Variants in CNTN3 observed in about 807,000 individuals in gnomAD.
CNTN3 encodes the protein contactin 3.
CNTN3 carries 60 observed loss-of-function variants against 119.1 expected under a neutral mutation model. The ratio of observed to expected loss-of-function variants is 0.50; its 90% CI spans 0.41 to 0.62. The LOEUF is 0.62. Among genes scored for constraint, CNTN3 ranks in the 20% least tolerant of loss-of-function variants. The pLI is 0.00. For synonymous variants in CNTN3, 450 were observed against 438.7 expected, an observed-to-expected ratio of 1.03 and a Z score of -0.32; for missense variants, 1,101 against 1,242.4, an observed-to-expected ratio of 0.89 and a Z score of 1.71.
intron 1 of CNTN3, among the ~76,000 whole-genome samples, chr3:74,586,424 C>A (rs540651490): frequency 2.6e-4 from 40 of 152,198 alleles, no homozygotes; most frequent in Non-Finnish European, 5.4e-4. Context: ...CCTTCTCTGT[C>A]TTTTAACCTG....
At chr3:74,565,448 C>A (rs1704212465) in intron 1 of CNTN3, among the ~76,000 whole-genome samples, 1 of 152,110 alleles carries the variant, frequency 6.6e-6, no homozygotes, top group African/African-American at 2.4e-5. Flanking sequence ...ACACTGGGCC[C>A]AAATGGGTAA....
At chr3:74,578,397 A>T (rs941682403) in intron 1 of CNTN3, among the ~76,000 whole-genome samples, 8 of 152,104 alleles carry the variant, frequency 5.3e-5, no homozygotes, top group Non-Finnish European at 2.9e-5. Context: ...ACTTTTCTTA[A>T]TAAGTTAAGG....
intron 4 of CNTN3, among the ~76,000 whole-genome samples, chr3:74,465,644 C>T (rs1428938818): frequency 6.6e-6 from 1 of 152,170 alleles, no homozygotes; most frequent in African/African-American, 2.4e-5. Context: ...AAGTCTGTAG[C>T]ACAATACATG....
At chr3:74,554,803 A>T (rs948825247) in intron 1 of CNTN3, among the ~76,000 whole-genome samples, 2 of 152,234 alleles carry the variant, frequency 1.3e-5, no homozygotes, top group African/African-American at 4.8e-5. Context: ...CAGCTTAAGA[A>T]GATTTTGGGC....
chr3:74,303,564 G>C (rs1380682200), intron 13 of CNTN3, among the ~76,000 whole-genome samples: 6 of 151,922 alleles, frequency 3.9e-5, no homozygotes, highest in Non-Finnish European at 1.5e-5. Flanking sequence ...GTGGTGGCGT[G>C]CCCCTGTAAT....
chr3:74,598,467 A>C (rs1166077437), intron 1 of CNTN3, among the ~76,000 whole-genome samples: 9 of 152,088 alleles, frequency 5.9e-5, no homozygotes, highest in Non-Finnish European at 1.3e-4. Flanking sequence ...GTAATAAAGT[A>C]AATTTTTAAA....
At chr3:74,581,527 T>C (rs1704509492) in intron 1 of CNTN3, among the ~76,000 whole-genome samples, 1 of 152,172 alleles carries the variant, frequency 6.6e-6, no homozygotes, top group African/African-American at 2.4e-5. Flanking sequence ...AGGTTCATCA[T>C]TGTTAAGATG....
intron 5 of CNTN3, among the ~76,000 whole-genome samples, chr3:74,409,991 G>T (rs1701411398): frequency 6.6e-6 from 1 of 152,156 alleles, no homozygotes; most frequent in Admixed American, 6.6e-5. Flanking sequence ...AAGAAGTCAT[G>T]AATTCTTTAA....
chr3:74,464,274 A>G (rs953270671), intron 4 of CNTN3, among the ~76,000 whole-genome samples: 8 of 152,156 alleles, frequency 5.3e-5, no homozygotes, highest in African/African-American at 1.9e-4. Context: ...TACATATGCA[A>G]AAAATCATAA....
intron 6 of CNTN3, among the ~76,000 whole-genome samples, chr3:74,370,827 A>G (rs1704316955): frequency 6.6e-6 from 1 of 152,276 alleles, no homozygotes; most frequent in African/African-American, 2.4e-5. Flanking sequence ...AAAAACCTCA[A>G]GCTGGCAAAA....
chr3:74,559,559 A>T (rs1704121179), intron 1 of CNTN3, among the ~76,000 whole-genome samples: 1 of 152,108 alleles, frequency 6.6e-6, no homozygotes, highest in Non-Finnish European at 1.5e-5. Flanking sequence ...TGAAGGGTAA[A>T]CATAAAAGAT....
At chr3:74,547,387 C>A (rs1236407005) in intron 1 of CNTN3, among the ~76,000 whole-genome samples, 2 of 152,128 alleles carry the variant, frequency 1.3e-5, no homozygotes, top group African/African-American at 4.8e-5. Flanking sequence ...CATACACACA[C>A]ATTGACACCT....
intron 5 of CNTN3, among the ~76,000 whole-genome samples, chr3:74,407,264 ATT>A (rs753215277): frequency 1.7e-4 from 18 of 105,560 alleles, no homozygotes; most frequent in South Asian, 9.6e-4. Flanking sequence ...CAAATATTCT[ATT>A]TTTTTTTTTT....
In CNTN3 at chr3:74,437,234, G is replaced by A. The variant is rs187431799; in HGVS notation, c.359-12294C>T. Among the ~76,000 whole-genome samples the A allele has an allele frequency of 8.5e-5, 13 of 152,174 alleles. No individual in the cohort carries two copies. In the East Asian group the frequency reaches 1.7e-3, roughly 20 times the overall value. ...AGCACTTTGGGAGACCAAGGTGGGC[G>A]GATCACGAGGTCAGGAGATTGAGAC... On this transcript the variant is annotated intron_variant, in intron 4 of 22. Coordinates refer to ENST00000263665, the MANE Select transcript of CNTN3 (RefSeq NM_020872.3).
chr3:74,547,140 T>C (rs2107155002), intron 1 of CNTN3, among the ~76,000 whole-genome samples: 1 of 152,338 alleles, frequency 6.6e-6, no homozygotes, highest in East Asian at 1.9e-4. Flanking sequence ...TATATTCATT[T>C]ACACGTACAC....
At chr3:74,492,761 A>ATGTG (rs906151104) in intron 3 of CNTN3, among the ~76,000 whole-genome samples, 3 of 151,488 alleles carry the variant, frequency 2.0e-5, no homozygotes, top group East Asian at 1.9e-4. Context: ...AAGAAAACGA[A>ATGTG]TGTGTGTGTG....
chr3:74,486,222 A>ACCCC (rs1212594649), intron 4 of CNTN3, among the ~76,000 whole-genome samples: 2 of 148,782 alleles, frequency 1.3e-5, no homozygotes, highest in Admixed American at 6.7e-5. Context: ...ACACACACAC[A>ACCCC]CCCCTACATG....
intron 1 of CNTN3, among the ~76,000 whole-genome samples, chr3:74,583,851 G>C (rs901569271): frequency 6.6e-6 from 1 of 152,140 alleles, no homozygotes; most frequent in Non-Finnish European, 1.5e-5. Context: ...GGTGCACTAA[G>C]AGACAACAAT....
intron 2 of CNTN3, among the ~76,000 whole-genome samples, chr3:74,512,212 G>A (rs1041938860): frequency 2.6e-5 from 4 of 152,112 alleles, no homozygotes; most frequent in African/African-American, 4.8e-5. Flanking sequence ...TAATTTATGG[G>A]AAGCAGTCTA....
Sources: gnomAD v4.1 joint callset for allele counts (sites outside exome capture counted in the v4.1 genomes callset) on GRCh38, gnomAD v4.1.1 for gene constraint, MANE v1.5 for transcripts, NCBI Gene and HGNC (gene_info 2026-07-23, HGNC 2026-07-21) for gene names.